The following PLCH1 variants were observed in gnomAD, a reference collection of about 807,000 sequenced individuals.
PLCH1 encodes 1-phosphatidylinositol 4,5-bisphosphate phosphodiesterase eta-1.
PLCH1 carries 60 observed loss-of-function variants against 126.7 expected under a neutral mutation model. That is an observed-to-expected ratio of 0.47 (90% CI 0.38 to 0.59). PLCH1 has a LOEUF of 0.59. Among genes scored for constraint, PLCH1 ranks in the 20% least tolerant of loss-of-function variants. The pLI, the probability that PLCH1 is intolerant of heterozygous loss-of-function variation, is 0.00. For missense variants in PLCH1, 1,723 were observed against 2,040.0 expected (o/e 0.84, Z 2.99); for synonymous variants, 719 against 734.9 (o/e 0.98, Z 0.35).
At chr3:155,721,131 G>A (rs1361598542) in intron 1 of PLCH1, among the ~76,000 whole-genome samples, 1 of 152,214 alleles carries the variant, frequency 6.6e-6, no homozygotes, top group Non-Finnish European at 1.5e-5. Flanking sequence ...TTGTAGTATA[G>A]CTTGAAGTCA....
intron 6 of PLCH1, among the ~76,000 whole-genome samples, chr3:155,574,221 A>T (rs529582266): frequency 3.1e-4 from 47 of 151,872 alleles, no homozygotes; most frequent in African/African-American, 1.1e-3. Flanking sequence ...AGCCCCCCTT[A>T]CCTCTTACAT....
chr3:155,736,322 G>A (rs912719483), intron 1 of PLCH1, among the ~76,000 whole-genome samples: 3 of 152,188 alleles, frequency 2.0e-5, no homozygotes, highest in Non-Finnish European at 4.4e-5. Flanking sequence ...AAGGAGAAAA[G>A]TTGTGGTTTA....
chr3:155,699,072 A>T (rs1431052550), intron 2 of PLCH1, among the ~76,000 whole-genome samples: 2 of 144,940 alleles, frequency 1.4e-5, no homozygotes, highest in Non-Finnish European at 3.0e-5. Context: ...TAATATTTTT[A>T]ATCTTTTATC....
intron 10 of PLCH1, among the ~76,000 whole-genome samples, chr3:155,540,406 T>C (rs2108383962): frequency 6.6e-6 from 1 of 152,188 alleles, no homozygotes; most frequent in East Asian, 1.9e-4. Context: ...TTAATTAAAC[T>C]AAAAAGCTTC....
At chr3:155,520,518 A>C (rs1281633255) in intron 11 of PLCH1, among the ~76,000 whole-genome samples, 4 of 152,350 alleles carry the variant, frequency 2.6e-5, no homozygotes, top group East Asian at 3.9e-4. Context: ...AGAAGCTGGC[A>C]AAACAGATTT....
At chr3:155,454,681 C>T (rs1387939574) in intron 21 of PLCH1, among the ~76,000 whole-genome samples, 1 of 152,152 alleles carries the variant, frequency 6.6e-6, no homozygotes, top group Non-Finnish European at 1.5e-5. Flanking sequence ...TGAAAGAGTC[C>T]TAGTGTTCAG....
At chr3:155,456,990 T>G (rs1366282281) in intron 21 of PLCH1, 5 of 152,432 alleles carry the variant, frequency 3.3e-5, no homozygotes, top group Non-Finnish European at 4.4e-5. Context: ...TATTTAGACT[T>G]TGCACAGGGA....
chr3:155,606,991 A>G (rs1560237545), intron 2 of PLCH1, among the ~76,000 whole-genome samples: 1 of 152,266 alleles, frequency 6.6e-6, no homozygotes, highest in Non-Finnish European at 1.5e-5. Flanking sequence ...TTAAAAATTT[A>G]CATCTTTAAA....
intron 21 of PLCH1, among the ~76,000 whole-genome samples, chr3:155,465,916 G>T (rs940530985): frequency 6.6e-6 from 1 of 152,208 alleles, no homozygotes; most frequent in Non-Finnish European, 1.5e-5. Flanking sequence ...AAGGAGGGAA[G>T]AGGAGTGGGA....
chr3:155,545,810 C>CAT lies in PLCH1; in HGVS notation c.1362+3976_1362+3977insAT, dbSNP rs1725179553. 2.6e-5 allele frequency among the ~76,000 whole-genome samples: 4 copies of CAT among 152,080 alleles called. No homozygotes were observed. In the South Asian group the frequency reaches 8.3e-4, roughly 32 times the overall value. Reference sequence around the variant, plus strand: ...AACCACATGATTATCTCAATAGATGCAGAAAAGGCCTTTGACAAAATTCAA... The same window carrying CAT: ...AACCACATGATTATCTCAATAGATGCATAGAAAAGGCCTTTGACAAAATTCAA... On this transcript the variant is annotated intron_variant, in intron 10 of 22. Coordinates refer to ENST00000460012, the MANE Select transcript of PLCH1 (RefSeq NM_014996.4).
intron 8 of PLCH1, 77 bp from the exon 9 acceptor site, chr3:155,554,273 T>G (rs1726523913): frequency 7.2e-7 from 1 of 1,390,494 alleles, no homozygotes; most frequent in African/African-American, 1.4e-5. Flanking sequence ...ACCAGACACA[T>G]ATTAAGTCCA....
intron 2 of PLCH1, among the ~76,000 whole-genome samples, chr3:155,634,672 G>A (rs1738505097): frequency 6.6e-6 from 1 of 152,216 alleles, no homozygotes; most frequent in Admixed American, 6.5e-5. Context: ...TGCTGCTTAA[G>A]TAAGCAGGGC....
At chr3:155,684,765 C>T (rs901936435) in intron 2 of PLCH1, among the ~76,000 whole-genome samples, 5 of 152,130 alleles carry the variant, frequency 3.3e-5, no homozygotes, top group Non-Finnish European at 7.4e-5. Context: ...AACTAAATTA[C>T]TCTACAGAAA....
At position 155,482,978 on chromosome 3, in the gene PLCH1, C is replaced by G; in HGVS notation, c.3048G>C (p.Lys1016Asn). 6.2e-7 allele frequency: 1 copy of G among 1,614,002 alleles called. No individual in the cohort carries two copies. Among genetic ancestry groups the G allele is most frequent in the Non-Finnish European group, 8.5e-7 (1 of 1,179,916 alleles). ...KDPHFLNFNK[K>N]LSSSSSALLH... ...GCAGAGCACTGGAGGAGGATGATAA[C>G]TTTTTGTTGAAATTTAGAAAATGTG... Residue 1016 changes from lysine to asparagine, a missense_variant, in exon 23 of 23, where the codon AAG becomes AAC. By Grantham distance (94) the Lys-to-Asn change is moderately conservative. Coordinates refer to ENST00000460012, the MANE Select transcript of PLCH1 (RefSeq NM_014996.4).
rs1714935684 is a variant in PLCH1 at position 155,485,580 on chromosome 3, G to A, written c.2750C>T (p.Pro917Leu). The A allele has an allele frequency of 6.2e-7, 1 of 1,614,062 alleles. No homozygotes were observed. The highest frequency in any genetic ancestry group is 1.3e-5 in the African/African-American group (1 of 75,048). ...DRILRRTASA[P>L]AKGRKKSKMG... ...TTTGCTCTTTTTCCTGCCTTTGGCT[G>A]GGGCGCTAGCTGTGCGTCGCAGAAT... is the stretch of plus-strand genomic sequence containing the variant. Residue 917 changes from proline (P) to leucine (L), a missense_variant, in exon 22 of 23, where the codon CCA (proline) becomes CTA (leucine). This residue lies in a region of PLCH1 where 947 missense variants were observed against 977.1 expected (regional missense o/e 0.97). Transcript: ENST00000460012.
chr3:155,723,779 C>T lies in PLCH1; in HGVS notation c.-40-19515G>A, dbSNP rs146736444. ...GACCAGCCTGGCCAACATGGTGAAACCCTGGCTCTACTAAAAACACAAAAA... is the reference window on the plus strand; with the variant it reads ...GACCAGCCTGGCCAACATGGTGAAATCCTGGCTCTACTAAAAACACAAAAA... On this transcript the variant is annotated intron_variant, in intron 1 of 22. Transcript: ENST00000460012. 2.5e-3 allele frequency among the ~76,000 whole-genome samples: 376 copies of T among 151,922 alleles called. 2 individuals carry two copies. The highest frequency in any genetic ancestry group is 8.4e-3 in the African/African-American group (347 of 41,406).
chr3:155,604,490 C>T (rs1484967242), intron 2 of PLCH1, among the ~76,000 whole-genome samples: 1 of 152,056 alleles, frequency 6.6e-6, no homozygotes, highest in African/African-American at 2.4e-5. Context: ...GTTGCATGTA[C>T]ATAGTCAATA....
intron 9 of PLCH1, 124 bp from the exon 10 acceptor site, chr3:155,550,082 G>A: frequency 1.7e-6 from 1 of 576,034 alleles, no homozygotes. Flanking sequence ...TACTGATGAT[G>A]GTTAAAATGC....
chr3:155,540,110 T>C (rs1724030303), intron 10 of PLCH1, among the ~76,000 whole-genome samples: 1 of 152,138 alleles, frequency 6.6e-6, no homozygotes, highest in Admixed American at 6.6e-5. Flanking sequence ...AACTGATCTT[T>C]GACAAAGCAA....
Sources: gnomAD v4.1 joint callset for allele counts (sites outside exome capture counted in the v4.1 genomes callset) on GRCh38, gnomAD v4.1.1 for gene constraint, gnomAD v4.1.1 regional missense constraint, MANE v1.5 for transcripts, NCBI Gene and HGNC (gene_info 2026-07-23, HGNC 2026-07-21) for gene names.